ATP1B3: variants seen among roughly 807,000 people sequenced by gnomAD.
The protein encoded by ATP1B3 is ATPase Na+/K+ transporting subunit beta 3.
In ATP1B3, 10 loss-of-function variants were observed where a neutral mutation model predicts 30.2. That is an observed-to-expected ratio of 0.33 (90% CI 0.20 to 0.56). The LOEUF is 0.56. Among genes scored for constraint, ATP1B3 ranks in the 20% least tolerant of loss-of-function variants. The pLI, the probability that ATP1B3 is intolerant of heterozygous loss-of-function variation, is 0.90. For missense variants in ATP1B3, 238 were observed against 336.7 expected, an observed-to-expected ratio of 0.71 and a Z score of 2.29; for synonymous variants, 113 against 117.0, an observed-to-expected ratio of 0.97 and a Z score of 0.22.
Position 141,876,722 on chromosome 3 carries a change from C to T in ATP1B3, c.-80C>T, listed in dbSNP as rs150197806. On this transcript the variant is annotated 5_prime_UTR_variant, in exon 1 of 7. Coordinates refer to ENST00000286371, the MANE Select transcript of ATP1B3 (RefSeq NM_001679.4). The stretch of plus-strand genomic sequence containing the variant: ...CACTGCCGTCTCCGGGCTGCGCCGC[C>T]GGAGCCGGGACGCGCCTCCGCAGCC... 2.7e-6 allele frequency: 3 copies of T among 1,124,426 alleles called. No homozygotes were observed. Among genetic ancestry groups the T allele is most frequent in the Non-Finnish European group, 3.9e-6 (3 of 776,464 alleles). The allele number at this position is 1,124,426 out of a possible 1,614,324, so 69.7% of individuals were successfully genotyped here.
chr3:141,916,965 G>T lies in ATP1B3; in HGVS notation c.582+945G>T, dbSNP rs917095606. On this transcript the variant is annotated intron_variant, in intron 5 of 6. Transcript: ENST00000286371. ...AAGCTCCGCCTCCCGGGTTCACGCGGTTCTCCTGCCTCAGCCTCCTGAGTA... is the reference window on the plus strand; with the variant it reads ...AAGCTCCGCCTCCCGGGTTCACGCGTTTCTCCTGCCTCAGCCTCCTGAGTA... 2.0e-5 allele frequency among the ~76,000 whole-genome samples: 3 copies of T among 151,646 alleles called. No individual in the cohort carries two copies. In the East Asian group the frequency reaches 5.8e-4, roughly 29 times the overall value.
At chr3:141,912,885 G>A (rs1018701114) in intron 3 of ATP1B3, among the ~76,000 whole-genome samples, 1 of 152,138 alleles carries the variant, frequency 6.6e-6, no homozygotes, top group Non-Finnish European at 1.5e-5. Context: ...CCTTCTATGA[G>A]CTAGTCTCTC....
At chr3:141,917,422 G>C (rs1385598723) in intron 5 of ATP1B3, among the ~76,000 whole-genome samples, 2 of 152,050 alleles carry the variant, frequency 1.3e-5, no homozygotes, top group Non-Finnish European at 2.9e-5. Context: ...TCAGCTGGGT[G>C]CAGTGGCTCG....
chr3:141,904,405 G>A (rs1230653972), intron 2 of ATP1B3, among the ~76,000 whole-genome samples: 1 of 151,800 alleles, frequency 6.6e-6, no homozygotes, highest in African/African-American at 2.4e-5. Flanking sequence ...TATGAGTATC[G>A]TAGAGCAGTT....
intron 1 of ATP1B3, among the ~76,000 whole-genome samples, chr3:141,883,473 G>T (rs1391486429): frequency 2.0e-5 from 3 of 152,154 alleles, no homozygotes; most frequent in African/African-American, 7.2e-5. Flanking sequence ...AGCTGTAATT[G>T]TGCCACTGCA....
chr3:141,926,065 A>T lies in ATP1B3; in HGVS notation c.*364A>T, dbSNP rs1934654737. 5.9e-6 allele frequency: 1 copy of T among 170,310 alleles called. No homozygotes were observed. The highest frequency in any genetic ancestry group is 1.3e-5 in the Non-Finnish European group (1 of 79,904). The allele number at this position is 170,310 out of a possible 1,614,324, so 10.5% of individuals were successfully genotyped here. A position where few individuals can be genotyped will look rare whatever the true frequency, so the allele number is the denominator to read the frequency against. On this transcript the variant is annotated 3_prime_UTR_variant, in exon 7 of 7. Transcript: ENST00000286371. Reference sequence around the variant, plus strand: ...TGGATATAACAACTGTCATATTTTGATGTCAACAGAGTTTTAGGGATAAAA... The same window carrying T: ...TGGATATAACAACTGTCATATTTTGTTGTCAACAGAGTTTTAGGGATAAAA...
At chr3:141,909,516 C>A (rs1934319560) in intron 3 of ATP1B3, among the ~76,000 whole-genome samples, 1 of 152,260 alleles carries the variant, frequency 6.6e-6, no homozygotes, top group East Asian at 1.9e-4. Flanking sequence ...GGAAAGGGAA[C>A]CTTGAGGGAA....
At chr3:141,925,157 TAG>T (rs1458211691) in intron 6 of ATP1B3, among the ~76,000 whole-genome samples, 2 of 151,674 alleles carry the variant, frequency 1.3e-5, no homozygotes, top group Non-Finnish European at 2.9e-5. Flanking sequence ...CAGAAAATAA[TAG>T]AGCTAAATTT....
At chr3:141,906,474 G>A (rs1002037164) in intron 2 of ATP1B3, among the ~76,000 whole-genome samples, 12 of 152,176 alleles carry the variant, frequency 7.9e-5, no homozygotes, top group African/African-American at 1.9e-4. Flanking sequence ...ACCACTGCAC[G>A]CAGCTGATCT....
chr3:141,898,250 A>G (rs1222292338), intron 1 of ATP1B3, among the ~76,000 whole-genome samples: 3 of 152,248 alleles, frequency 2.0e-5, no homozygotes, highest in African/African-American at 7.2e-5. Context: ...GAAAAAATAG[A>G]TAAGTGGTTC....
intron 2 of ATP1B3, among the ~76,000 whole-genome samples, chr3:141,904,225 A>G (rs1934219870): frequency 4.6e-5 from 7 of 151,838 alleles, no homozygotes; most frequent in Admixed American, 4.6e-4. Context: ...TAATATTTAC[A>G]TACTGATTTA....
At chr3:141,891,013 G>A (rs6805860) in intron 1 of ATP1B3, among the ~76,000 whole-genome samples, 57,474 of 151,862 alleles carry the variant, frequency 0.38, 10,936 homozygotes, top group East Asian at 0.45. Flanking sequence ...TTTTTTAATT[G>A]TAATGGTTTT....
intron 2 of ATP1B3, among the ~76,000 whole-genome samples, chr3:141,905,500 T>C (rs968748561): frequency 2.0e-5 from 3 of 152,244 alleles, no homozygotes; most frequent in Admixed American, 6.5e-5. Context: ...ACTTCTGAGC[T>C]ATATCACCAG....
At chr3:141,906,079 T>G (rs1934260907) in intron 2 of ATP1B3, among the ~76,000 whole-genome samples, 1 of 151,848 alleles carries the variant, frequency 6.6e-6, no homozygotes, top group South Asian at 2.1e-4. Context: ...ATGTATTATA[T>G]GTACATGTGT....
chr3:141,877,640 C>G (rs1933630760), intron 1 of ATP1B3: 1 of 151,260 alleles, frequency 6.6e-6, no homozygotes, highest in Non-Finnish European at 1.5e-5. Context: ...AAAGTAAATC[C>G]TGTCTGAACA....
At chr3:141,909,173 A>C (rs1368925879) in intron 3 of ATP1B3, among the ~76,000 whole-genome samples, 5 of 152,166 alleles carry the variant, frequency 3.3e-5, no homozygotes, top group African/African-American at 2.4e-5. Context: ...ACAGTTAAAT[A>C]TGTACTCATT....
At chr3:141,922,382 G>A (rs1934578706) in intron 6 of ATP1B3, among the ~76,000 whole-genome samples, 3 of 152,184 alleles carry the variant, frequency 2.0e-5, no homozygotes, top group African/African-American at 7.2e-5. Flanking sequence ...GCCGGGTGCG[G>A]TGGCTTACTC....
At chr3:141,906,587 G>A (rs1934269690) in intron 2 of ATP1B3, among the ~76,000 whole-genome samples, 2 of 152,298 alleles carry the variant, frequency 1.3e-5, no homozygotes, top group Non-Finnish European at 2.9e-5. Flanking sequence ...TTACATGGGT[G>A]TCAACTTCTG....
intron 1 of ATP1B3, among the ~76,000 whole-genome samples, chr3:141,895,224 T>G (rs542603833): frequency 3.7e-4 from 55 of 149,888 alleles, no homozygotes; most frequent in Non-Finnish European, 7.1e-4. Flanking sequence ...ACTCTTACCC[T>G]GTTGCCCGGG....
Sources: gnomAD v4.1 joint callset for allele counts (sites outside exome capture counted in the v4.1 genomes callset) on GRCh38, gnomAD v4.1.1 for gene constraint, MANE v1.5 for transcripts, NCBI Gene and HGNC (gene_info 2026-07-23, HGNC 2026-07-21) for gene names.